Variants in ZXDC observed in about 807,000 individuals in gnomAD.
ZXDC encodes zinc finger protein ZXDC.
In ZXDC, 58 loss-of-function variants were observed where a neutral mutation model predicts 63.6. The ratio of observed to expected loss-of-function variants is 0.91; its 90% CI spans 0.74 to 1.13. The LOEUF (loss-of-function observed/expected upper bound fraction) is 1.13. Among genes scored for constraint, ZXDC ranks in the 50% most tolerant of loss-of-function variants. The probability of loss-of-function intolerance (pLI) is 0.00; values close to 1 mark genes in which losing one functional copy is unlikely to be tolerated. For synonymous variants in ZXDC, 561 were observed against 496.1 expected (o/e 1.13, Z -1.74); for missense variants, 1,133 against 1,148.9 (o/e 0.99, Z 0.20).
At chr3:126,464,978 A>G (rs1249001056) in intron 5 of ZXDC, among the ~76,000 whole-genome samples, 1 of 152,244 alleles carries the variant, frequency 6.6e-6, no homozygotes, top group Non-Finnish European at 1.5e-5. Context: ...AAGAAAGCAA[A>G]GGCCACAGAA....
chr3:126,472,141 C>G lies in ZXDC; in HGVS notation c.1060+12G>C, dbSNP rs767641525. On this transcript the variant is annotated intron_variant, in intron 2 of 9. Coordinates refer to ENST00000389709, the MANE Select transcript of ZXDC (RefSeq NM_025112.5). The stretch of plus-strand genomic sequence containing the variant: ...CTTGGGTCCAAATGCTGTGCGTTCC[C>G]TAGCTCATTACCTGTATGGCTCCGC... The G allele has an allele frequency of 6.2e-7, 1 of 1,609,378 alleles. No homozygotes were observed. The highest frequency in any genetic ancestry group is 8.5e-7 in the Non-Finnish European group (1 of 1,176,054).
Position 126,474,990 on chromosome 3 carries a change from C to A in ZXDC, c.876G>T (p.Glu292Asp). 3 of 1,592,748 alleles carry A rather than the reference C, an allele frequency of 1.9e-6. 1 individual carries two copies. Among genetic ancestry groups the A allele is most frequent in the South Asian group, 2.3e-5 (2 of 87,964 alleles). The change falls in exon 1 of 10, where the codon GAG becomes GAT. Residue 292 changes from glutamate (E) to aspartate (D), a missense_variant. By Grantham distance (45) the Glu-to-Asp change is conservative. Transcript: ENST00000389709. ...KLSSHQRSHF[E>D]PERPYKCDFP... is the part of the protein sequence containing the mutation. ...AGTCACACTTGTAAGGGCGCTCGGG[C>A]TCGAAGTGGCTGCGCTGGTGGGAGC...
In ZXDC at chr3:126,448,109, G is replaced by GT; in HGVS notation, c.2213-6164dup. Among the ~76,000 whole-genome samples the GT allele has an allele frequency of 1.3e-5, 2 of 152,354 alleles. 1 individual carries two copies. Among genetic ancestry groups the GT allele is most frequent in the South Asian group, 4.1e-4 (2 of 4,830 alleles). On this transcript the variant is annotated intron_variant, in intron 7 of 9. Coordinates refer to ENST00000389709, the MANE Select transcript of ZXDC (RefSeq NM_025112.5). ...CAGGATTGTTGCGAGGACTAATGGG[G>GT]TAATAGATGTAGATGTGCTGGGCTT...
intron 7 of ZXDC, among the ~76,000 whole-genome samples, chr3:126,446,190 C>T (rs965232155): frequency 2.0e-5 from 3 of 152,182 alleles, no homozygotes; most frequent in Admixed American, 2.0e-4. Context: ...CTTGCTTGTG[C>T]TGGAGAATCT....
chr3:126,442,180 T>A, intron 7 of ZXDC: 1 of 420,608 alleles, frequency 2.4e-6, no homozygotes, highest in Non-Finnish European at 3.9e-6. Context: ...ACATCATACG[T>A]ATTTTTTTGC....
At position 126,475,649 on chromosome 3, in the gene ZXDC, C is replaced by A; in HGVS notation, c.217G>T (p.Asp73Tyr). ...ACTTCCAGCAGCACCAAGAAAGAGT[C>A]GCCGTCGCTGTCGTCCTCGGCGGGC... ...PPPAEDDSDG[D>Y]SFLVLLEVPH... Residue 73 changes from aspartate (D) to tyrosine (Y), a missense_variant, in exon 1 of 10, where the codon GAC becomes TAC. Physicochemically the swap from Asp to Tyr is radical, Grantham distance 160. Coordinates refer to ENST00000389709, the MANE Select transcript of ZXDC (RefSeq NM_025112.5). 3.4e-6 allele frequency: 5 copies of A among 1,462,438 alleles called. No individual in the cohort carries two copies. Among genetic ancestry groups the A allele is most frequent in the Non-Finnish European group, 4.5e-6 (5 of 1,105,092 alleles). The allele number at this position is 1,462,438 out of a possible 1,614,324, so 90.6% of individuals were successfully genotyped here. A position where few individuals can be genotyped will look rare whatever the true frequency, so the allele number is the denominator to read the frequency against.
rs200819139 is a variant in ZXDC at position 126,475,617 on chromosome 3, G to C, written c.249C>G (p.His83Gln). ...DSFLVLLEVP[H>Q]GGAAAEAAGS... ...CGGCAGCCTCGGCGGCAGCGCCGCCGTGCGGCACTTCCAGCAGCACCAAGA... is the reference window on the plus strand; with the variant it reads ...CGGCAGCCTCGGCGGCAGCGCCGCCCTGCGGCACTTCCAGCAGCACCAAGA... The change falls in exon 1 of 10, where the codon CAC becomes CAG. Residue 83 changes from histidine (H) to glutamine (Q), a missense_variant. Coordinates refer to ENST00000389709, the MANE Select transcript of ZXDC (RefSeq NM_025112.5). The C allele has an allele frequency of 1.0e-5, 15 of 1,473,688 alleles. No individual in the cohort carries two copies. The highest frequency in any genetic ancestry group is 3.7e-5 in the South Asian group (3 of 80,900). The allele number at this position is 1,473,688 out of a possible 1,614,324, so 91.3% of individuals were successfully genotyped here. A position where few individuals can be genotyped will look rare whatever the true frequency, so the allele number is the denominator to read the frequency against.
chr3:126,461,404 C>T (rs1934528130), intron 6 of ZXDC, 131 bp downstream of exon 6: 1 of 1,432,592 alleles, frequency 7.0e-7, no homozygotes, highest in Non-Finnish European at 9.1e-7. Flanking sequence ...CAGTTCCAGA[C>T]TTGTAGTCCA....
intron 5 of ZXDC, among the ~76,000 whole-genome samples, chr3:126,463,813 ATTATATT>A (rs989737714): frequency 2.6e-5 from 4 of 152,210 alleles, no homozygotes; most frequent in African/African-American, 9.6e-5. Context: ...CAGAATGTCT[ATTATATT>A]TTATATTTTT....
rs745825685 is a variant in ZXDC, at chr3:126,439,716, G to A, written c.2406C>T (p.Ser802=). 1.6e-4 allele frequency: 253 copies of A among 1,551,260 alleles called. No individual in the cohort carries two copies. The highest frequency in any genetic ancestry group is 2.1e-4 in the Non-Finnish European group (237 of 1,147,050). Residue 802 remains serine, a synonymous_variant, in exon 9 of 10, where the codon TCC becomes TCT. Transcript: ENST00000389709. ...GGGCCGAGGGCAGGACACCTTCGCCGGAGGGGTCATCCTGGGAAGGCAACA... is the reference window on the plus strand; with the variant it reads ...GGGCCGAGGGCAGGACACCTTCGCCAGAGGGGTCATCCTGGGAAGGCAACA... The part of the protein sequence containing the change: ...VQVQLVQDDP[S]GEGVLPSARG...
intron 5 of ZXDC, among the ~76,000 whole-genome samples, 198 bp downstream of exon 5, chr3:126,465,955 CAA>C (rs1411686832): frequency 6.6e-6 from 1 of 151,868 alleles, no homozygotes; most frequent in Admixed American, 6.6e-5. Flanking sequence ...TCTCAAAAAA[CAA>C]AAGACATGGG....
chr3:126,457,558 A>G, intron 7 of ZXDC: 1 of 985,420 alleles, frequency 1.0e-6, no homozygotes, highest in Non-Finnish European at 1.2e-6. Context: ...TTCCCTTAGA[A>G]GTGTATGAAG....
intron 7 of ZXDC, chr3:126,452,163 G>A (rs1402110193): frequency 6.1e-6 from 6 of 985,266 alleles, no homozygotes; most frequent in African/African-American, 1.7e-5. Context: ...GCTCTGCCAC[G>A]CAGCCCCAGC....
chr3:126,442,213 C>T (rs1032277434), intron 7 of ZXDC: 1 of 261,468 alleles, frequency 3.8e-6, no homozygotes, highest in Non-Finnish European at 7.0e-6. Flanking sequence ...TAATCAGACA[C>T]AAGCTGCAAA....
At chr3:126,461,285 C>T (rs903266964) in intron 6 of ZXDC, 1 of 1,304,064 alleles carries the variant, frequency 7.7e-7, no homozygotes, top group Admixed American at 3.7e-5. Flanking sequence ...AGCCACAGGA[C>T]TCCAAAGGAC....
Position 126,461,977 on chromosome 3 carries a change from G to A in ZXDC, c.1685C>T (p.Pro562Leu), listed in dbSNP as rs16837497. Residue 562 changes from proline to leucine, a missense_variant, in exon 6 of 10, where the codon CCG (proline) becomes CTG (leucine). By Grantham distance (98) the Pro-to-Leu change is moderately conservative. Coordinates refer to ENST00000389709, the MANE Select transcript of ZXDC (RefSeq NM_025112.5). ...NLPANNSSLG[P>L]MEPLVLVAHS... ...GGCCACCAGGACCAGGGGTTCCATC[G>A]GCCCTAGGGAGCTATTATTAGCAGG... 0.039 allele frequency: 62,619 copies of A among 1,614,046 alleles called. 2,441 individuals are homozygous for A. The highest frequency in any genetic ancestry group is 0.2 in the Admixed American group (12,044 of 60,014).
intron 5 of ZXDC, among the ~76,000 whole-genome samples, chr3:126,463,883 T>C (rs1377324814): frequency 6.6e-6 from 1 of 152,148 alleles, no homozygotes; most frequent in Non-Finnish European, 1.5e-5. Context: ...AAAATCAAAT[T>C]CAGAATGTAT....
intron 4 of ZXDC, 79 bp from the exon 5 acceptor site, chr3:126,466,404 C>G: frequency 6.5e-7 from 1 of 1,531,992 alleles, no homozygotes; most frequent in Non-Finnish European, 8.9e-7. Context: ...CCCATCAGAT[C>G]AGAACCACCA....
At position 126,461,674 on chromosome 3, in the gene ZXDC, G is replaced by A. The variant is rs756272228; in HGVS notation, c.1988C>T (p.Pro663Leu). ...TGCTCCTGGGCGAGAAGGCGAGTCCGGCTCCACCTTGATTGGAGCCAGCAG... is the reference window on the plus strand; with the variant it reads ...TGCTCCTGGGCGAGAAGGCGAGTCCAGCTCCACCTTGATTGGAGCCAGCAG... ...PELLAPIKVE[P>L]DSPSRPGAVG... The change falls in exon 6 of 10, where the codon CCG (proline) becomes CTG (leucine). Residue 663 changes from proline to leucine, a missense_variant. Physicochemically the swap from Pro to Leu is moderately conservative, Grantham distance 98 (BLOSUM62 -3). Transcript: ENST00000389709. 27 of 1,613,790 alleles carry A rather than the reference G, an allele frequency of 1.7e-5. No homozygotes were observed. The highest frequency in any genetic ancestry group is 1.6e-4 in the Middle Eastern group (1 of 6,084).
Sources: allele counts gnomAD v4.1 joint callset (sites outside exome capture counted in the v4.1 genomes callset), GRCh38; gene constraint gnomAD v4.1.1; transcripts MANE v1.5; gene names NCBI Gene and HGNC (gene_info 2026-07-23, HGNC 2026-07-21).